The following ZNF180 variants were observed in gnomAD, a reference collection of about 807,000 sequenced individuals.
ZNF180 encodes zinc finger protein 180 (HHZ168).
A neutral mutation model predicts 11.8 loss-of-function variants in ZNF180; 11 were observed. That is an observed-to-expected ratio of 0.93 (90% CI 0.59 to 1.55). The LOEUF (loss-of-function observed/expected upper bound fraction) is 1.55. Among genes scored for constraint, ZNF180 ranks in the 40% most tolerant of loss-of-function variants. The pLI, the probability that ZNF180 is intolerant of heterozygous loss-of-function variation, is 0.00. For missense variants in ZNF180, 773 were observed against 781.7 expected, an observed-to-expected ratio of 0.99 and a Z score of 0.13; for synonymous variants, 287 against 257.7, an observed-to-expected ratio of 1.11 and a Z score of -1.09.
chr19:44,491,044 G>T (rs1051739425), intron 2 of ZNF180, among the ~76,000 whole-genome samples: 3 of 152,136 alleles, frequency 2.0e-5, no homozygotes, highest in Non-Finnish European at 2.9e-5. Flanking sequence ...CTGAGATCTT[G>T]TCTGTCCTGT....
intron 3 of ZNF180, 79 bp from the exon 4 acceptor site, chr19:44,479,488 T>TGGAAAAA: frequency 6.4e-7 from 1 of 1,574,374 alleles, no homozygotes; most frequent in Non-Finnish European, 8.6e-7. Context: ...GTCTGACAGA[T>TGGAAAAA]GGAAAAAGGA....
intron 2 of ZNF180, among the ~76,000 whole-genome samples, chr19:44,492,942 G>C (rs1600093769): frequency 6.6e-6 from 1 of 152,340 alleles, no homozygotes; most frequent in East Asian, 1.9e-4. Flanking sequence ...CAGGGCCCAT[G>C]TGGGAGGCCC....
In ZNF180 at chr19:44,476,978, G is replaced by C; in HGVS notation, c.1422C>G (p.Ser474=). 1 of 1,614,032 alleles carries C rather than the reference G, an allele frequency of 6.2e-7. No individual in the cohort carries two copies. Among genetic ancestry groups the C allele is most frequent in the Non-Finnish European group, 8.5e-7 (1 of 1,179,992 alleles). The change falls in exon 5 of 5, where the codon TCC becomes TCG. Residue 474 remains serine (S), a synonymous_variant. Coordinates refer to ENST00000592529, the MANE Select transcript of ZNF180 (RefSeq NM_001278509.3). ...KPYECNQCGK[S]FSQSYKLVAH... ...CAACAAGTTTATAACTTTGACTAAA[G>C]GATTTCCCACACTGATTGCATTCAT...
chr19:44,496,687 A>C (rs865924380), intron 2 of ZNF180: 74 of 150,810 alleles, frequency 4.9e-4, no homozygotes, highest in African/African-American at 1.3e-3. Flanking sequence ...AAAAAAAAAA[A>C]AAAAAAAAAA....
chr19:44,493,651 C>T, intron 2 of ZNF180, among the ~76,000 whole-genome samples: 1 of 152,072 alleles, frequency 6.6e-6, no homozygotes, highest in Non-Finnish European at 1.5e-5. Context: ...TCTGTGTGAC[C>T]AACAGAATAT....
chr19:44,478,242 T>A, intron 4 of ZNF180, 96 bp from the exon 5 acceptor site: 5 of 1,292,086 alleles, frequency 3.9e-6, no homozygotes, highest in Non-Finnish European at 5.1e-6. Context: ...TATATATGAA[T>A]TTGTTTTCAA....
intron 2 of ZNF180, among the ~76,000 whole-genome samples, chr19:44,493,537 G>C (rs1374706256): frequency 6.6e-6 from 1 of 152,214 alleles, no homozygotes; most frequent in Non-Finnish European, 1.5e-5. Context: ...AGGACATTCA[G>C]AGTTGAGAAG....
Position 44,477,870 on chromosome 19 carries a change from C to A in ZNF180, c.530G>T (p.Ser177Ile). ...GGGTATAACTGGGGATGAAAATAGA[C>A]TGGAATTCAGACCACTCTTCTCCCC... ...ETGEKSGLNSSLFSSPVIPIR... is the reference protein window; with the variant it reads ...ETGEKSGLNSILFSSPVIPIR... The change falls in exon 5 of 5, where the codon AGT becomes ATT. Residue 177 changes from serine to isoleucine, a missense_variant. Physicochemically the swap from Ser to Ile is moderately radical, Grantham distance 142. Transcript: ENST00000592529. 6.2e-7 allele frequency: 1 copy of A among 1,613,898 alleles called. No homozygotes were observed. Among genetic ancestry groups the A allele is most frequent in the Non-Finnish European group, 8.5e-7 (1 of 1,180,002 alleles).
In ZNF180 at chr19:44,477,374, A is replaced by C. The variant is rs1969939402; in HGVS notation, c.1026T>G (p.Val342=). ...GKSFSWSSHL[V]AHQRTHTGEK... ...CCCCTGTGTGAGTTCTCTGATGTGC[A>C]ACAAGATGCGAGCTCCAGCTGAAGG... The change falls in exon 5 of 5, where the codon GTT becomes GTG. Residue 342 remains valine (V), a synonymous_variant. Transcript: ENST00000592529. The C allele has an allele frequency of 6.2e-7, 1 of 1,614,126 alleles. No homozygotes were observed. Among genetic ancestry groups the C allele is most frequent in the African/African-American group, 1.3e-5 (1 of 75,024 alleles).
At chr19:44,478,182 A>C in intron 4 of ZNF180, 36 bp from the exon 5 acceptor site, 5 of 1,496,542 alleles carry the variant, frequency 3.3e-6, no homozygotes, top group Non-Finnish European at 4.4e-6. Flanking sequence ...TTAGTCAAAA[A>C]ATATTAGAGA....
chr19:44,500,411 G>C lies in ZNF180; in HGVS notation c.-180C>G. ...AACACGGCCGACTCGGGTTAAGCTA[G>C]TTCGGTCCCCTCTCCTAGTCAGCAT... On this transcript the variant is annotated 5_prime_UTR_variant, in exon 1 of 5. Coordinates refer to ENST00000592529, the MANE Select transcript of ZNF180 (RefSeq NM_001278509.3). 1.3e-6 allele frequency: 1 copy of C among 748,816 alleles called. No homozygotes were observed. The highest frequency in any genetic ancestry group is 1.7e-5 in the South Asian group (1 of 60,448). 46.4% of individuals were successfully genotyped at this position (748,816 alleles called of 1,614,324 possible). A position where few individuals can be genotyped will look rare whatever the true frequency, so the allele number is the denominator to read the frequency against.
intron 2 of ZNF180, among the ~76,000 whole-genome samples, chr19:44,491,915 C>T (rs1305355049): frequency 6.6e-6 from 1 of 152,092 alleles, no homozygotes; most frequent in African/African-American, 2.4e-5. Flanking sequence ...TATGTCTATT[C>T]TATTTCACCA....
Position 44,477,225 on chromosome 19 carries a change from C to G in ZNF180, c.1175G>C (p.Ser392Thr), listed in dbSNP as rs376394573. Residue 392 changes from serine (S) to threonine (T), a missense_variant, in exon 5 of 5, where the codon AGC (serine) becomes ACC (threonine). Coordinates refer to ENST00000592529, the MANE Select transcript of ZNF180 (RefSeq NM_001278509.3). ...YRCNQCGKSF[S>T]QSYVLVVHQR... ...ATGCACAACAAGGACATAACTCTGGCTAAAGGATTTCCCACATTGATTACA... is the reference window on the plus strand; with the variant it reads ...ATGCACAACAAGGACATAACTCTGGGTAAAGGATTTCCCACATTGATTACA... 1.2e-6 allele frequency: 2 copies of G among 1,614,020 alleles called. No individual in the cohort carries two copies. Among genetic ancestry groups the G allele is most frequent in the African/African-American group, 2.7e-5 (2 of 74,890 alleles).
In ZNF180 at chr19:44,477,141, CTGAA is replaced by C; in HGVS notation, c.1255_1258del (p.Phe419GlyfsTer198). The stretch of plus-strand genomic sequence containing the variant: ...ATGTGCAATAAGTTTATAGCTCTGC[CTGAA>C]TGACTTTCCACACTGATTGCATTCA... On this transcript the variant is annotated frameshift_variant, in exon 5 of 5. Transcript: ENST00000592529. LOFTEE classifies it low-confidence loss of function (END_TRUNC). 1 of 1,613,128 alleles carries C rather than the reference CTGAA, an allele frequency of 6.2e-7. No homozygotes were observed.
At chr19:44,491,008 T>C (rs1296804260) in intron 2 of ZNF180, among the ~76,000 whole-genome samples, 1 of 152,222 alleles carries the variant, frequency 6.6e-6, no homozygotes, top group African/African-American at 2.4e-5. Flanking sequence ...TATTTAACTC[T>C]TCCACTAGAG....
At chr19:44,496,010 T>C (rs896600832) in intron 2 of ZNF180, among the ~76,000 whole-genome samples, 1 of 152,088 alleles carries the variant, frequency 6.6e-6, no homozygotes, top group Non-Finnish European at 1.5e-5. Context: ...CGGTGGGAAA[T>C]GTTCTAAATT....
chr19:44,477,507 T>C lies in ZNF180; in HGVS notation c.893A>G (p.Glu298Gly), dbSNP rs766317983. 8.1e-6 allele frequency: 13 copies of C among 1,614,146 alleles called. No homozygotes were observed. The African/African-American group carries it at 1.7e-4, about 22-fold the overall frequency. ...TTCACTACATTTATATTGACTCTCT[T>C]CAAAAGGAATTCTCTGTTGTTCATT... ...SHNEQQRIPFEESQYKCSETS... is the reference protein window; with the variant it reads ...SHNEQQRIPFGESQYKCSETS... The change falls in exon 5 of 5, where the codon GAA (glutamate) becomes GGA (glycine). Residue 298 changes from glutamate to glycine, a missense_variant. Transcript: ENST00000592529.
chr19:44,482,934 C>T (rs1183354791), intron 3 of ZNF180, among the ~76,000 whole-genome samples: 1 of 152,228 alleles, frequency 6.6e-6, no homozygotes, highest in Non-Finnish European at 1.5e-5. Context: ...TGTTCTCAGT[C>T]ATCAGTTCAT....
chr19:44,491,323 CTAA>C (rs1970445340), intron 2 of ZNF180, among the ~76,000 whole-genome samples: 1 of 152,220 alleles, frequency 6.6e-6, no homozygotes, highest in African/African-American at 2.4e-5. Context: ...CTCTTACAAA[CTAA>C]ATGCTCAGAA....
Sources: gnomAD v4.1 joint callset for allele counts (sites outside exome capture counted in the v4.1 genomes callset) on GRCh38, gnomAD v4.1.1 for gene constraint, MANE v1.5 for transcripts, NCBI Gene and HGNC (gene_info 2026-07-23, HGNC 2026-07-21) for gene names.